The following CUL2 variants were observed in gnomAD, a reference collection of about 807,000 sequenced individuals.
CUL2 encodes the protein cullin-2.
CUL2 carries 22 observed loss-of-function variants against 110.2 expected under a neutral mutation model. That is an observed-to-expected ratio of 0.20 (90% CI 0.14 to 0.28). The LOEUF is 0.28. Ranked by LOEUF, CUL2 falls within the 10% of genes least tolerant of loss-of-function variation. The pLI, the probability that CUL2 is intolerant of heterozygous loss-of-function variation, is 1.00. For synonymous variants in CUL2, 279 were observed against 293.2 expected (o/e 0.95, Z 0.49); for missense variants, 631 against 905.5 (o/e 0.70, Z 3.89).
intron 19 of CUL2, among the ~76,000 whole-genome samples, chr10:35,012,331 G>A (rs1257868550): frequency 6.6e-6 from 1 of 152,110 alleles, no homozygotes; most frequent in Non-Finnish European, 1.5e-5. Flanking sequence ...AAACTGTACT[G>A]TTAAGGTAAA....
Position 35,061,114 on chromosome 10 carries a change from C to T in CUL2, c.223-146G>A, listed in dbSNP as rs2086369601. ...ATTTACACAACACATATTAACTACACGTATTAAAAATGAAACAACTGGGAA... is the reference window on the plus strand; with the variant it reads ...ATTTACACAACACATATTAACTACATGTATTAAAAATGAAACAACTGGGAA... On this transcript the variant is annotated intron_variant, in intron 3 of 20. Transcript: ENST00000374749. 7 of 866,136 alleles carry T rather than the reference C, an allele frequency of 8.1e-6. No individual in the cohort carries two copies. In the Admixed American group the frequency reaches 1.2e-4, roughly 15 times the overall value. 53.7% of individuals were successfully genotyped at this position (866,136 alleles called of 1,614,324 possible).
At chr10:35,055,872 A>T (rs1163596458) in intron 4 of CUL2, among the ~76,000 whole-genome samples, 1 of 152,236 alleles carries the variant, frequency 6.6e-6, no homozygotes, top group Non-Finnish European at 1.5e-5. Flanking sequence ...AGACAAAAGT[A>T]AAAGGTAAAG....
rs369025824 is a variant in CUL2, at chr10:35,076,732, T to C, written c.-22-5393A>G. Reference sequence around the variant, plus strand: ...ATAAATGGTATACTATTCAGATTGTTATATATCTGCTTTTTTCTCTTAAAA... The same window carrying C: ...ATAAATGGTATACTATTCAGATTGTCATATATCTGCTTTTTTCTCTTAAAA... On this transcript the variant is annotated intron_variant, in intron 1 of 20. Coordinates refer to ENST00000374749, the MANE Select transcript of CUL2 (RefSeq NM_003591.4). 6.6e-5 allele frequency among the ~76,000 whole-genome samples: 10 copies of C among 152,290 alleles called. No homozygotes were observed. The South Asian group carries it at 1.9e-3, about 28-fold the overall frequency.
At chr10:35,016,886 C>A in intron 17 of CUL2, among the ~76,000 whole-genome samples, 1 of 145,054 alleles carries the variant, frequency 6.9e-6, no homozygotes, top group African/African-American at 2.6e-5. Flanking sequence ...AAGATCACAC[C>A]ACTGCACTCC....
At chr10:35,020,084 C>A (rs74745297) in intron 17 of CUL2, among the ~76,000 whole-genome samples, 371 of 152,020 alleles carry the variant, frequency 2.4e-3, no homozygotes, top group African/African-American at 8.6e-3. Flanking sequence ...AATATCCTTG[C>A]CAATAATACT....
At chr10:35,040,131 C>T (rs1450365226) in intron 8 of CUL2, among the ~76,000 whole-genome samples, 2 of 151,826 alleles carry the variant, frequency 1.3e-5, no homozygotes, top group Non-Finnish European at 2.9e-5. Context: ...CTAGCCTAGG[C>T]AATAAGAGCG....
chr10:35,013,868 C>T, intron 18 of CUL2, 68 bp from the exon 19 acceptor site: 1 of 1,120,202 alleles, frequency 8.9e-7, no homozygotes, highest in Non-Finnish European at 1.2e-6. Flanking sequence ...TTGCTGCAAG[C>T]AATTCTGCTA....
intron 1 of CUL2, among the ~76,000 whole-genome samples, chr10:35,082,343 G>A (rs1430560600): frequency 6.6e-6 from 1 of 152,106 alleles, no homozygotes; most frequent in African/African-American, 2.4e-5. Context: ...GTATGTATGT[G>A]GGCAAATTCA....
chr10:35,087,214 G>T (rs2087086182), intron 1 of CUL2, among the ~76,000 whole-genome samples: 1 of 152,204 alleles, frequency 6.6e-6, no homozygotes, highest in South Asian at 2.1e-4. Flanking sequence ...ACCACGCCTG[G>T]CTAATGTTTT....
intron 1 of CUL2, among the ~76,000 whole-genome samples, chr10:35,075,685 C>T (rs946077289): frequency 5.3e-4 from 78 of 148,230 alleles, no homozygotes; most frequent in Non-Finnish European, 3.3e-4. Flanking sequence ...CACACACACG[C>T]ACGCTCCACA....
intron 1 of CUL2, among the ~76,000 whole-genome samples, chr10:35,080,766 G>C (rs2086927969): frequency 1.3e-5 from 2 of 152,224 alleles, no homozygotes; most frequent in African/African-American, 4.8e-5. Flanking sequence ...AGAATTTCTA[G>C]TAGGTTTTTT....
intron 5 of CUL2, among the ~76,000 whole-genome samples, chr10:35,050,318 G>A (rs537169139): frequency 4.0e-4 from 56 of 140,508 alleles, no homozygotes; most frequent in East Asian, 1.4e-3. Flanking sequence ...GCGAGACTCC[G>A]TCTCAAAAAA....
intron 1 of CUL2, among the ~76,000 whole-genome samples, chr10:35,084,357 A>G (rs2087011685): frequency 6.6e-6 from 1 of 152,122 alleles, no homozygotes; most frequent in African/African-American, 2.4e-5. Flanking sequence ...GAAATATTCC[A>G]CCTCTCCTCC....
Position 35,025,223 on chromosome 10 carries a change from CATT to C in CUL2, c.1618-28_1618-26del, listed in dbSNP as rs759269260. ...ACTGTAAAAAAAAAAAAAAAACACA[CATT>C]ATTTTTAGCTACTATAACTTGCCTA... is the stretch of plus-strand genomic sequence containing the variant. On this transcript the variant is annotated intron_variant, in intron 16 of 20. Coordinates refer to ENST00000374749, the MANE Select transcript of CUL2 (RefSeq NM_003591.4). 12 of 1,486,690 alleles carry C rather than the reference CATT, an allele frequency of 8.1e-6. 1 individual carries two copies. In the African/African-American group the frequency reaches 1.3e-4, roughly 16 times the overall value. The allele number at this position is 1,486,690 out of a possible 1,614,324, so 92.1% of individuals were successfully genotyped here.
At chr10:35,104,716 A>T (rs2087430730) in intron 1 of CUL2, among the ~76,000 whole-genome samples, 1 of 151,966 alleles carries the variant, frequency 6.6e-6, no homozygotes, top group African/African-American at 2.4e-5. Flanking sequence ...GAACAGTCCT[A>T]CTAAACGAAG....
chr10:35,120,543 A>T (rs2087665866), intron 1 of CUL2: 2 of 152,186 alleles, frequency 1.3e-5, no homozygotes, highest in East Asian at 1.9e-4. Context: ...GAAGACCAAG[A>T]ACTTGGTAAA....
chr10:35,085,862 G>A (rs1029984552), intron 1 of CUL2, among the ~76,000 whole-genome samples: 14 of 152,230 alleles, frequency 9.2e-5, no homozygotes, highest in African/African-American at 2.6e-4. Context: ...TTTTTACAGC[G>A]AGGGAGGAAG....
intron 9 of CUL2, among the ~76,000 whole-genome samples, chr10:35,037,941 G>A (rs939309612): frequency 1.3e-5 from 2 of 151,380 alleles, no homozygotes; most frequent in Non-Finnish European, 2.9e-5. Context: ...ATTATCTGAG[G>A]TCAGGAGCTC....
intron 4 of CUL2, among the ~76,000 whole-genome samples, chr10:35,059,322 G>A (rs1479939564): frequency 6.6e-6 from 1 of 152,102 alleles, no homozygotes; most frequent in African/African-American, 2.4e-5. Context: ...CTTCATTGTT[G>A]TCTTATTTTA....
Sources: gnomAD v4.1 joint callset for allele counts (sites outside exome capture counted in the v4.1 genomes callset) on GRCh38, gnomAD v4.1.1 for gene constraint, MANE v1.5 for transcripts, NCBI Gene and HGNC (gene_info 2026-07-23, HGNC 2026-07-21) for gene names.